Variants in MAPRE3 observed in about 807,000 individuals in gnomAD.
The protein encoded by MAPRE3 is microtubule associated protein RP/EB family member 3.
MAPRE3 carries 2 observed loss-of-function variants against 30.5 expected under a neutral mutation model. That is an observed-to-expected ratio of 0.07 (90% confidence interval 0.03 to 0.21). The LOEUF is 0.21. MAPRE3 is among the 10% of genes least tolerant of loss of function. The probability of loss-of-function intolerance (pLI) is 1.00; values close to 1 mark genes in which losing one functional copy is unlikely to be tolerated. For synonymous variants in MAPRE3, 110 were observed against 127.7 expected (o/e 0.86, Z 0.93); for missense variants, 204 against 351.8 (o/e 0.58, Z 3.36).
rs553396661 is a variant in MAPRE3, at chr2:27,016,992, T to TG, written c.-7-5215dup. ...TAAACTGAGCTCTGGAAAGGGGGTTTGGGGGATGGGGGATACATTTAAAGG... is the reference window on the plus strand; with the variant it reads ...TAAACTGAGCTCTGGAAAGGGGGTTTGGGGGGATGGGGGATACATTTAAAGG... On this transcript the variant is annotated intron_variant, in intron 1 of 6. Coordinates refer to ENST00000233121, the MANE Select transcript of MAPRE3 (RefSeq NM_012326.4). 2.5e-3 allele frequency among the ~76,000 whole-genome samples: 374 copies of TG among 151,760 alleles called. 2 individuals carry two copies. The highest frequency in any genetic ancestry group is 2.2e-3 in the Non-Finnish European group (151 of 67,928).
chr2:27,014,147 A>G (rs1351845419), intron 1 of MAPRE3: 1 of 152,234 alleles, frequency 6.6e-6, no homozygotes, highest in East Asian at 1.9e-4. Flanking sequence ...ACGTTTAGAA[A>G]GAAAATATTG....
intron 2 of MAPRE3, chr2:27,022,669 C>T (rs1667134667): frequency 4.2e-6 from 1 of 237,914 alleles, no homozygotes; most frequent in East Asian, 9.3e-5. Flanking sequence ...CATACCTAAA[C>T]ATAGAAAAGG....
At chr2:26,977,772 T>C (rs1558370092) in intron 1 of MAPRE3, among the ~76,000 whole-genome samples, 1 of 152,188 alleles carries the variant, frequency 6.6e-6, no homozygotes, top group Non-Finnish European at 1.5e-5. Context: ...GCAGCTGTCC[T>C]CTGGCCTCAT....
intron 1 of MAPRE3, among the ~76,000 whole-genome samples, chr2:26,977,303 A>G (rs1411220379): frequency 1.3e-5 from 2 of 152,242 alleles, no homozygotes; most frequent in East Asian, 1.9e-4. Context: ...GATTCCATGT[A>G]GTAGAGCAAT....
intron 1 of MAPRE3, among the ~76,000 whole-genome samples, chr2:27,005,344 T>C (rs918403376): frequency 6.6e-6 from 1 of 152,244 alleles, no homozygotes; most frequent in Non-Finnish European, 1.5e-5. Context: ...GTCCACAGCA[T>C]AATCTTAAGT....
intron 1 of MAPRE3, among the ~76,000 whole-genome samples, chr2:26,982,619 C>A (rs557959356): frequency 1.4e-4 from 21 of 152,348 alleles, no homozygotes; most frequent in Non-Finnish European, 2.8e-4. Flanking sequence ...ATAAACACAG[C>A]CTCCTGCCAC....
intron 1 of MAPRE3, among the ~76,000 whole-genome samples, chr2:27,007,660 T>A (rs1572762101): frequency 1.3e-5 from 2 of 152,334 alleles, no homozygotes; most frequent in South Asian, 4.1e-4. Context: ...AGGTTGTCAT[T>A]CAGGACTTGT....
At position 27,002,635 on chromosome 2, in the gene MAPRE3, C is replaced by G. The variant is rs144946152; in HGVS notation, c.-7-19577C>G. Among the ~76,000 whole-genome samples, 51 of 152,304 alleles carry G rather than the reference C, an allele frequency of 3.3e-4. 1 individual carries two copies. The highest frequency in any genetic ancestry group is 1.2e-3 in the African/African-American group (48 of 41,554). ...CATCTTGGAACCCAGAGCAGTTGCA[C>G]CCTTCTGTGTTGCACCTGGGGGTGT... On this transcript the variant is annotated intron_variant, in intron 1 of 6. Coordinates refer to ENST00000233121, the MANE Select transcript of MAPRE3 (RefSeq NM_012326.4).
chr2:27,013,381 G>C (rs577015198), intron 1 of MAPRE3: 2 of 152,322 alleles, frequency 1.3e-5, no homozygotes, highest in South Asian at 4.1e-4. Flanking sequence ...GGTTCCCAAG[G>C]CTTCGTGCTG....
intron 1 of MAPRE3, among the ~76,000 whole-genome samples, chr2:26,997,826 G>T (rs1666497879): frequency 6.6e-6 from 1 of 152,190 alleles, no homozygotes; most frequent in South Asian, 2.1e-4. Context: ...ATTGCTGAAG[G>T]CTAGAGAGGT....
intron 1 of MAPRE3, among the ~76,000 whole-genome samples, chr2:26,998,764 C>T (rs1289584715): frequency 6.6e-6 from 1 of 152,226 alleles, no homozygotes; most frequent in South Asian, 2.1e-4. Flanking sequence ...TCAGGAAAAA[C>T]TTTCCAGGGG....
chr2:27,002,376 G>A (rs970910535), intron 1 of MAPRE3, among the ~76,000 whole-genome samples: 1 of 151,000 alleles, frequency 6.6e-6, no homozygotes, highest in Non-Finnish European at 1.5e-5. Flanking sequence ...TCCTAGAAGT[G>A]GAATTAAGGT....
At chr2:27,022,550 C>T (rs1667130994) in intron 2 of MAPRE3, 16 of 588,796 alleles carry the variant, frequency 2.7e-5, no homozygotes, top group Admixed American at 1.6e-4. Flanking sequence ...CTACACACCT[C>T]GGCTATATGG....
chr2:27,009,379 A>C (rs562817319), intron 1 of MAPRE3, among the ~76,000 whole-genome samples: 4 of 152,212 alleles, frequency 2.6e-5, no homozygotes, highest in Non-Finnish European at 5.9e-5. Context: ...TCAAAGTACA[A>C]AAGTTTACAG....
chr2:26,975,736 G>T (rs915010872), intron 1 of MAPRE3, among the ~76,000 whole-genome samples: 2 of 152,126 alleles, frequency 1.3e-5, no homozygotes, highest in African/African-American at 4.8e-5. Flanking sequence ...AGTGATTGTT[G>T]TTCAGTAAAT....
At position 26,986,358 on chromosome 2, in the gene MAPRE3, G is replaced by A. The variant is rs895120897; in HGVS notation, c.-8+15556G>A. ...AGATGACATATTTATATGTTCCAGG[G>A]ATTAGGACACGGACATCTTTGAGAA... On this transcript the variant is annotated intron_variant, in intron 1 of 6. Transcript: ENST00000233121. The surrounding 1 kb of genome is among the most constrained non-coding windows in gnomAD (Gnocchi z 4.2). 6.6e-6 allele frequency among the ~76,000 whole-genome samples: 1 copy of A among 152,266 alleles called. No homozygotes were observed. Among genetic ancestry groups the A allele is most frequent in the East Asian group, 1.9e-4 (1 of 5,184 alleles).
intron 1 of MAPRE3, among the ~76,000 whole-genome samples, chr2:26,977,698 G>C (rs946790135): frequency 6.6e-6 from 1 of 152,186 alleles, no homozygotes; most frequent in African/African-American, 2.4e-5. Context: ...CATAGGCTAG[G>C]CCACTCCCCC....
intron 1 of MAPRE3, 150 bp downstream of exon 1, chr2:26,970,952 C>G (rs1378010553): frequency 6.6e-6 from 1 of 151,490 alleles, no homozygotes; most frequent in East Asian, 1.9e-4. Context: ...GCCGGTCAAC[C>G]CCCTCCATCC....
At position 26,976,450 on chromosome 2, in the gene MAPRE3, C is replaced by T. The variant is rs151282787; in HGVS notation, c.-8+5648C>T. 3.1e-4 allele frequency among the ~76,000 whole-genome samples: 47 copies of T among 152,312 alleles called. No homozygotes were observed. The East Asian group carries it at 8.7e-3, about 28-fold the overall frequency. On this transcript the variant is annotated intron_variant, in intron 1 of 6. Coordinates refer to ENST00000233121, the MANE Select transcript of MAPRE3 (RefSeq NM_012326.4). ...TTCCCTTTGGCCAAGAGTACAATTTCGTGTGACAGTTAGCCAAGTTTCGTG... is the reference window on the plus strand; with the variant it reads ...TTCCCTTTGGCCAAGAGTACAATTTTGTGTGACAGTTAGCCAAGTTTCGTG...
Sources: gnomAD v4.1 joint callset for allele counts (sites outside exome capture counted in the v4.1 genomes callset) on GRCh38, gnomAD v4.1.1 for gene constraint, Gnocchi (gnomAD v3.1) non-coding constraint, MANE v1.5 for transcripts, NCBI Gene and HGNC (gene_info 2026-07-23, HGNC 2026-07-21) for gene names.